Variants in SEZ6L observed in about 807,000 individuals in gnomAD.
SEZ6L encodes the protein seizure 6-like protein.
SEZ6L carries 37 observed loss-of-function variants against 106.2 expected under a neutral mutation model. That is an observed-to-expected ratio of 0.35 (90% confidence interval 0.27 to 0.46). SEZ6L has a LOEUF of 0.46. SEZ6L is among the 20% of genes least tolerant of loss of function. The pLI is 1.00. For synonymous variants in SEZ6L, 541 were observed against 570.4 expected, an observed-to-expected ratio of 0.95 and a Z score of 0.73; for missense variants, 1,172 against 1,332.8, an observed-to-expected ratio of 0.88 and a Z score of 1.88.
intron 1 of SEZ6L, among the ~76,000 whole-genome samples, chr22:26,239,215 C>T (rs2079039941): frequency 6.6e-6 from 1 of 152,112 alleles, no homozygotes; most frequent in South Asian, 2.1e-4. Context: ...CAATGTGAAA[C>T]CCTGTCTCAA....
At chr22:26,230,293 T>C (rs1364122413) in intron 1 of SEZ6L, among the ~76,000 whole-genome samples, 1 of 151,044 alleles carries the variant, frequency 6.6e-6, no homozygotes, top group African/African-American at 2.4e-5. Context: ...GATAACCATT[T>C]GAGAGTTACT....
At chr22:26,175,743 T>A (rs1485693227) in intron 1 of SEZ6L, among the ~76,000 whole-genome samples, 1 of 152,130 alleles carries the variant, frequency 6.6e-6, no homozygotes, top group Non-Finnish European at 1.5e-5. Flanking sequence ...AATGGAGAAC[T>A]CACATTGTAT....
At chr22:26,328,360 T>C (rs2082384055) in intron 9 of SEZ6L, among the ~76,000 whole-genome samples, 1 of 152,170 alleles carries the variant, frequency 6.6e-6, no homozygotes, top group Non-Finnish European at 1.5e-5. Context: ...TGGCATTAAT[T>C]GTTATTTACA....
rs747422688 is a variant in SEZ6L, at chr22:26,311,968, C to T, written c.1876+6C>T. 205 of 1,611,912 alleles carry T rather than the reference C, an allele frequency of 1.3e-4. No homozygotes were observed. Among genetic ancestry groups the T allele is most frequent in the Middle Eastern group, 5.0e-4 (3 of 5,992 alleles). On this transcript the variant is annotated splice_donor_region_variant and intron_variant, in intron 8 of 16. Coordinates refer to ENST00000248933, the MANE Select transcript of SEZ6L (RefSeq NM_021115.5). ...CACAGAGCCCCTGTGCAGAGGTGAG[C>T]GGATCCACAACGCTCTTCCCACGGC...
chr22:26,215,917 G>A lies in SEZ6L; in HGVS notation c.94+46154G>A, dbSNP rs373818937. On this transcript the variant is annotated intron_variant, in intron 1 of 16. Transcript: ENST00000248933. ...GTGAACAGCCTGATGTGATGAGCTCGCTTTGCAAGGCACTGAATCATCCCA... is the reference window on the plus strand; with the variant it reads ...GTGAACAGCCTGATGTGATGAGCTCACTTTGCAAGGCACTGAATCATCCCA... 1.4e-4 allele frequency among the ~76,000 whole-genome samples: 22 copies of A among 152,332 alleles called. No homozygotes were observed. The East Asian group carries it at 1.5e-3, about 11-fold the overall frequency.
intron 1 of SEZ6L, among the ~76,000 whole-genome samples, chr22:26,264,003 C>T (rs1290722150): frequency 6.6e-6 from 1 of 152,196 alleles, no homozygotes; most frequent in Admixed American, 6.5e-5. Flanking sequence ...CTAGTGATGT[C>T]CCCTCTACCT....
chr22:26,210,501 C>T (rs867334367), intron 1 of SEZ6L, among the ~76,000 whole-genome samples: 21 of 152,250 alleles, frequency 1.4e-4, no homozygotes, highest in South Asian at 2.1e-4. Context: ...GGAAGGCACT[C>T]GTGTGGTGAT....
chr22:26,285,873 G>A (rs1035156689), intron 1 of SEZ6L, among the ~76,000 whole-genome samples: 7 of 152,324 alleles, frequency 4.6e-5, no homozygotes, highest in African/African-American at 1.7e-4. Flanking sequence ...CTGATATGCT[G>A]TGTTGACTCT....
chr22:26,196,463 T>C (rs551804392), intron 1 of SEZ6L, among the ~76,000 whole-genome samples: 1 of 152,270 alleles, frequency 6.6e-6, no homozygotes, highest in South Asian at 2.1e-4. Flanking sequence ...AGCTGGAGCA[T>C]GGCAAATGAG....
Position 26,292,846 on chromosome 22 carries a change from G to A in SEZ6L, c.535G>A (p.Ala179Thr), listed in dbSNP as rs773325482. ...DPDPIVASEE[A>T]SEVPLWLDRK... is the part of the protein sequence containing the mutation. ...GGACCCCATCGTGGCCTCCGAGGAG[G>A]CATCAGAAGTGCCCCTTTGGCTGGA... Residue 179 changes from alanine (A) to threonine (T), a missense_variant, in exon 2 of 17, where the codon GCA becomes ACA. By Grantham distance (58) the Ala-to-Thr change is moderately conservative. Transcript: ENST00000248933. 3 of 1,614,032 alleles carry A rather than the reference G, an allele frequency of 1.9e-6. No homozygotes were observed. Among genetic ancestry groups the A allele is most frequent in the African/African-American group, 1.3e-5 (1 of 74,948 alleles).
At position 26,296,997 on chromosome 22, in the gene SEZ6L, T is replaced by A; in HGVS notation, c.1079T>A (p.Ile360Asn). 1 of 1,614,072 alleles carries A rather than the reference T, an allele frequency of 6.2e-7. No homozygotes were observed. Among genetic ancestry groups the A allele is most frequent in the Non-Finnish European group, 8.5e-7 (1 of 1,179,990 alleles). Residue 360 changes from isoleucine to asparagine, a missense_variant, in exon 4 of 17, where the codon ATC becomes AAC. Physicochemically the swap from Ile to Asn is moderately radical, Grantham distance 149. This residue lies in a region of SEZ6L where 534 missense variants were observed against 691.0 expected (regional missense o/e 0.77). Transcript: ENST00000248933. ...NQTLLVEGQV[I>N]RSPTNTISVY... Reference sequence around the variant, plus strand: ...ACACTCCTGGTGGAGGGGCAGGTAATCCGAAGCCCCACCAACACCATCTCC... The same window carrying A: ...ACACTCCTGGTGGAGGGGCAGGTAAACCGAAGCCCCACCAACACCATCTCC...
At chr22:26,298,893 C>A in intron 4 of SEZ6L, 91 bp from the exon 5 acceptor site, 1 of 1,303,172 alleles carries the variant, frequency 7.7e-7, no homozygotes, top group Non-Finnish European at 1.0e-6. Flanking sequence ...CATCTTCTCT[C>A]CCCAGCACAA....
chr22:26,341,382 T>G (rs1051096150), intron 10 of SEZ6L, among the ~76,000 whole-genome samples: 39 of 151,884 alleles, frequency 2.6e-4, no homozygotes, highest in African/African-American at 9.4e-4. Flanking sequence ...CCTGTAACTC[T>G]CCCTCATTCA....
At chr22:26,241,971 C>T (rs1160236431) in intron 1 of SEZ6L, among the ~76,000 whole-genome samples, 1 of 152,188 alleles carries the variant, frequency 6.6e-6, no homozygotes, top group East Asian at 1.9e-4. Context: ...AGCCACCATA[C>T]CTCAGAGGCT....
chr22:26,350,749 C>T (rs533253357), intron 11 of SEZ6L, among the ~76,000 whole-genome samples: 11 of 151,624 alleles, frequency 7.3e-5, no homozygotes, highest in Non-Finnish European at 1.5e-4. Flanking sequence ...CTCCGCTTCC[C>T]GGGTTCACGC....
At chr22:26,379,179 A>C (rs1163762494) in intron 16 of SEZ6L, among the ~76,000 whole-genome samples, 1 of 152,142 alleles carries the variant, frequency 6.6e-6, no homozygotes, top group East Asian at 1.9e-4. Flanking sequence ...TCTAGGGGCC[A>C]CCCGCAGTTT....
chr22:26,255,960 A>T (rs1488549324), intron 1 of SEZ6L, among the ~76,000 whole-genome samples: 3 of 152,224 alleles, frequency 2.0e-5, no homozygotes, highest in African/African-American at 7.2e-5. Context: ...AGTGGGGTTT[A>T]GGCTGGCCTG....
chr22:26,311,758 C>G lies in SEZ6L; in HGVS notation c.1682-10C>G. 1 of 1,612,692 alleles carries G rather than the reference C, an allele frequency of 6.2e-7. No individual in the cohort carries two copies. The highest frequency in any genetic ancestry group is 8.5e-7 in the Non-Finnish European group (1 of 1,178,758). Reference sequence around the variant, plus strand: ...TCATCTGAACTGCTGCCTCTCTTTCCCTTCCTCAGCGTTTGAGAAAGGCCA... The same window carrying G: ...TCATCTGAACTGCTGCCTCTCTTTCGCTTCCTCAGCGTTTGAGAAAGGCCA... On this transcript the variant is annotated splice_polypyrimidine_tract_variant and intron_variant, in intron 7 of 16. Transcript: ENST00000248933.
chr22:26,340,015 G>GC (rs2082775133), intron 9 of SEZ6L, among the ~76,000 whole-genome samples: 1 of 152,092 alleles, frequency 6.6e-6, no homozygotes, highest in Non-Finnish European at 1.5e-5. Context: ...TGGGCAGATT[G>GC]CCTGAGCTCA....
Sources: allele counts gnomAD v4.1 joint callset (sites outside exome capture counted in the v4.1 genomes callset), GRCh38; gene constraint gnomAD v4.1.1; regional missense constraint gnomAD v4.1.1; transcripts MANE v1.5; gene names NCBI Gene and HGNC (gene_info 2026-07-23, HGNC 2026-07-21).